BRAF: variants seen among roughly 807,000 people sequenced by gnomAD.
The protein encoded by BRAF is B-Raf proto-oncogene, serine/threonine kinase.
BRAF carries 16 observed loss-of-function variants against 104.6 expected under a neutral mutation model. The observed-to-expected ratio is 0.15, with a 90% CI of 0.10 to 0.23. BRAF has a LOEUF of 0.23. Ranked by LOEUF, BRAF falls within the 10% of genes least tolerant of loss-of-function variation. BRAF has a pLI of 1.00. For missense variants in BRAF, 541 were observed against 937.3 expected (o/e 0.58, Z 5.52); for synonymous variants, 310 against 341.6 (o/e 0.91, Z 1.02).
chr7:140,872,163 CG>C (rs2129094133), intron 1 of BRAF, among the ~76,000 whole-genome samples: 1 of 151,912 alleles, frequency 6.6e-6, no homozygotes, highest in South Asian at 2.1e-4. Flanking sequence ...TGCAGTGAGC[CG>C]AGATCGCACC....
intron 19 of BRAF, chr7:140,734,313 C>G (rs1308444943): frequency 7.2e-6 from 9 of 1,249,736 alleles, no homozygotes; most frequent in Non-Finnish European, 9.1e-6. Flanking sequence ...CTTAAAATAA[C>G]CAAGTGAATG....
chr7:140,754,342 C>T (rs181020040), intron 14 of BRAF, 109 bp from the exon 14 acceptor site: 4 of 897,270 alleles, frequency 4.5e-6, no homozygotes, highest in Non-Finnish European at 7.5e-6. Context: ...CATGATACAA[C>T]TGAAAATAGT....
At position 140,734,786 on chromosome 7, in the gene BRAF, G is replaced by C. The variant is rs368721021; in HGVS notation, c.2248-16C>G. ...AGGCGAGAATCTACAAAAAAAAAAA[G>C]AAAAAAAAAAGAAAAAAAAAGAAAA... On this transcript the variant is annotated splice_polypyrimidine_tract_variant and intron_variant, in intron 18 of 19. Transcript: ENST00000644969. 1.5e-5 allele frequency: 12 copies of C among 821,460 alleles called. No individual in the cohort carries two copies. The highest frequency in any genetic ancestry group is 6.7e-5 in the Admixed American group (1 of 14,916). 50.9% of individuals were successfully genotyped at this position (821,460 alleles called of 1,614,324 possible). A position where few individuals can be genotyped will look rare whatever the true frequency, so the allele number is the denominator to read the frequency against.
chr7:140,773,773 C>T (rs1033084219), intron 14 of BRAF, among the ~76,000 whole-genome samples: 3 of 152,080 alleles, frequency 2.0e-5, no homozygotes, highest in Non-Finnish European at 2.9e-5. Flanking sequence ...CGGTATAAAC[C>T]AGGTTGGCTT....
At chr7:140,879,051 T>C (rs953330298) in intron 1 of BRAF, among the ~76,000 whole-genome samples, 1 of 151,924 alleles carries the variant, frequency 6.6e-6, no homozygotes, top group Admixed American at 6.5e-5. Flanking sequence ...ATTTTTTTTG[T>C]ATTTTTAGTA....
intron 3 of BRAF, among the ~76,000 whole-genome samples, chr7:140,813,913 A>C (rs778534950): frequency 6.9e-4 from 105 of 151,624 alleles, no homozygotes; most frequent in Non-Finnish European, 1.2e-3. Context: ...ACACACACAC[A>C]CCCTCCTTAA....
At chr7:140,918,466 G>A (rs576355596) in intron 1 of BRAF, among the ~76,000 whole-genome samples, 6 of 152,262 alleles carry the variant, frequency 3.9e-5, no homozygotes, top group Admixed American at 2.0e-4. Context: ...CACCTCCTGC[G>A]GTGTAGTCAG....
intron 7 of BRAF, among the ~76,000 whole-genome samples, chr7:140,796,795 T>C (rs542267086): frequency 9.2e-5 from 14 of 152,298 alleles, no homozygotes; most frequent in African/African-American, 3.4e-4. Flanking sequence ...AATTCTATGC[T>C]TAACGAAAAC....
At chr7:140,871,103 A>G (rs961484813) in intron 1 of BRAF, among the ~76,000 whole-genome samples, 3 of 151,860 alleles carry the variant, frequency 2.0e-5, no homozygotes, top group African/African-American at 4.8e-5. Flanking sequence ...TTGGCTGGGC[A>G]TGGTGACACG....
At chr7:140,761,049 A>G (rs1311191956) in intron 14 of BRAF, among the ~76,000 whole-genome samples, 1 of 152,194 alleles carries the variant, frequency 6.6e-6, no homozygotes, top group Non-Finnish European at 1.5e-5. Flanking sequence ...CGCCACAAAG[A>G]TACTCCTTGA....
intron 8 of BRAF, among the ~76,000 whole-genome samples, chr7:140,790,805 A>G (rs1232853432): frequency 6.6e-6 from 1 of 152,206 alleles, no homozygotes; most frequent in Non-Finnish European, 1.5e-5. Flanking sequence ...TGTCTCTTAC[A>G]TTAAAAACAA....
intron 3 of BRAF, among the ~76,000 whole-genome samples, chr7:140,813,929 A>C (rs1298726717): frequency 1.3e-5 from 2 of 152,128 alleles, no homozygotes; most frequent in East Asian, 3.9e-4. Flanking sequence ...CTTAAAAAAG[A>C]GTTACCTAAA....
At chr7:140,717,887 C>T (rs913655052), downstream of BRAF, among the ~76,000 whole-genome samples, 4 of 152,098 alleles carry the variant, frequency 2.6e-5, no homozygotes, top group Non-Finnish European at 5.9e-5. Context: ...TAAGTCTTGA[C>T]ATTTATTTTT....
chr7:140,796,705 T>C (rs1802527359), intron 7 of BRAF, among the ~76,000 whole-genome samples: 1 of 152,204 alleles, frequency 6.6e-6, no homozygotes, highest in Admixed American at 6.5e-5. Flanking sequence ...CAAGTCAACT[T>C]CTCTAGCTTT....
At position 140,721,750 on chromosome 7, in the gene BRAF, G is replaced by T; in HGVS notation, c.*4744C>A. 1 of 1,501,118 alleles carries T rather than the reference G, an allele frequency of 6.7e-7. No individual in the cohort carries two copies. The highest frequency in any genetic ancestry group is 8.8e-7 in the Non-Finnish European group (1 of 1,130,666). The allele number at this position is 1,501,118 out of a possible 1,614,324, so 93.0% of individuals were successfully genotyped here. ...ACTTTCTCTTTCAATGGTGAGGAAT[G>T]AAACAAGATACAAGAACCACAGCAT... On this transcript the variant is annotated 3_prime_UTR_variant, in exon 20 of 20. Coordinates refer to ENST00000644969, the MANE Select transcript of BRAF (RefSeq NM_001374258.1).
At chr7:140,853,793 G>A (rs748641081) in intron 1 of BRAF, among the ~76,000 whole-genome samples, 43 of 152,058 alleles carry the variant, frequency 2.8e-4, no homozygotes, top group Non-Finnish European at 5.6e-4. Context: ...CGTAGCATAT[G>A]TGACCACCTT....
intron 14 of BRAF, among the ~76,000 whole-genome samples, chr7:140,767,729 T>C (rs1354223414): frequency 6.6e-6 from 1 of 152,198 alleles, no homozygotes; most frequent in Non-Finnish European, 1.5e-5. Flanking sequence ...CATGCTTTAA[T>C]GGTTAAAGGA....
intron 14 of BRAF, among the ~76,000 whole-genome samples, chr7:140,762,269 C>G (rs1029222976): frequency 1.2e-3 from 188 of 152,278 alleles, no homozygotes; most frequent in Non-Finnish European, 1.9e-3. Context: ...GGAAACTGAA[C>G]AAGCTGCTCC....
At chr7:140,907,814 G>A (rs541529350) in intron 1 of BRAF, among the ~76,000 whole-genome samples, 8 of 150,618 alleles carry the variant, frequency 5.3e-5, no homozygotes, top group East Asian at 2.0e-4. Context: ...GTGCCATCTC[G>A]GCTCACTACA....
Sources: allele counts gnomAD v4.1 joint callset (sites outside exome capture counted in the v4.1 genomes callset), GRCh38; gene constraint gnomAD v4.1.1; transcripts MANE v1.5; gene names NCBI Gene and HGNC (gene_info 2026-07-23, HGNC 2026-07-21).